PTPRT: variants seen among roughly 807,000 people sequenced by gnomAD.
PTPRT encodes protein tyrosine phosphatase receptor type T, also known as receptor-type tyrosine-protein phosphatase T.
A neutral mutation model predicts 176.8 loss-of-function variants in PTPRT; 56 were observed. That is an observed-to-expected ratio of 0.32 (90% confidence interval 0.26 to 0.40). The LOEUF (loss-of-function observed/expected upper bound fraction) is 0.40, where lower values mean the gene tolerates loss of function less well. Ranked by LOEUF, PTPRT falls within the 10% of genes least tolerant of loss-of-function variation. The pLI is 1.00. For missense variants in PTPRT, 1,540 were observed against 1,908.2 expected, an observed-to-expected ratio of 0.81 and a Z score of 3.60; for synonymous variants, 783 against 739.0, an observed-to-expected ratio of 1.06 and a Z score of -0.96.
intron 7 of PTPRT, among the ~76,000 whole-genome samples, chr20:42,643,085 T>C (rs35494007): frequency 0.11 from 16,257 of 152,250 alleles, 1,055 homozygotes; most frequent in Middle Eastern, 0.16. Flanking sequence ...TGAGACCATC[T>C]AGTTCCAGCT....
chr20:42,276,516 TA>T (rs2057034918), intron 13 of PTPRT, among the ~76,000 whole-genome samples: 2 of 24,810 alleles, frequency 8.1e-5, no homozygotes, highest in African/African-American at 3.6e-4. Context: ...TATATATATA[TA>T]TATATATATA....
chr20:42,689,978 A>G (rs1269402391), intron 6 of PTPRT, among the ~76,000 whole-genome samples: 1 of 152,196 alleles, frequency 6.6e-6, no homozygotes, highest in Non-Finnish European at 1.5e-5. Context: ...GCAGCAATCA[A>G]AAACTAATAC....
intron 1 of PTPRT, among the ~76,000 whole-genome samples, chr20:43,035,146 C>G (rs765752272): frequency 6.6e-6 from 1 of 152,144 alleles, no homozygotes; most frequent in African/African-American, 2.4e-5. Context: ...GAACAGGCCC[C>G]TCGTAGTGCC....
At chr20:42,274,389 TTATGTTAGCAAAGCCTAGCCTAGCC>T (rs2056990619) in intron 13 of PTPRT, among the ~76,000 whole-genome samples, 1 of 152,290 alleles carries the variant, frequency 6.6e-6, no homozygotes, top group Admixed American at 6.5e-5. Flanking sequence ...TATTAGCTTG[TTATGTTAGCAAAGCCTAGCCTAGCC>T]TAACTAATCC....
chr20:42,780,409 C>G (rs75351972), intron 3 of PTPRT, 110 bp from the exon 4 acceptor site: 4 of 767,028 alleles, frequency 5.2e-6, no homozygotes, highest in Non-Finnish European at 8.9e-6. Flanking sequence ...TCAGAAGCAA[C>G]CCAAGAAACC....
chr20:42,494,904 A>C (rs2145391677), intron 7 of PTPRT, among the ~76,000 whole-genome samples: 1 of 152,300 alleles, frequency 6.6e-6, no homozygotes, highest in South Asian at 2.1e-4. Context: ...TCTAAAAAGA[A>C]AACATTAATT....
In PTPRT at chr20:42,549,708, C is replaced by T. The variant is rs145516345; in HGVS notation, c.1154-77146G>A. On this transcript the variant is annotated intron_variant, in intron 7 of 30. Coordinates refer to ENST00000373187, the MANE Select transcript of PTPRT (RefSeq NM_007050.6). ...CACATGCCCCTCAGTGGCAAACCCT[C>T]GCCACAGCTGGTGAATGGGAGGGGA... 7.4e-3 allele frequency among the ~76,000 whole-genome samples: 1,132 copies of T among 152,234 alleles called. 17 individuals are homozygous for T. The highest frequency in any genetic ancestry group is 0.026 in the African/African-American group (1,080 of 41,540).
intron 2 of PTPRT, among the ~76,000 whole-genome samples, chr20:42,866,314 G>C (rs1263825636): frequency 6.6e-6 from 1 of 152,164 alleles, no homozygotes; most frequent in Non-Finnish European, 1.5e-5. Flanking sequence ...TACAGATGAG[G>C]AAATGGAACC....
intron 9 of PTPRT, among the ~76,000 whole-genome samples, chr20:42,352,609 A>C (rs1161874717): frequency 6.6e-6 from 1 of 152,202 alleles, no homozygotes; most frequent in South Asian, 2.1e-4. Context: ...GGGATGGTTA[A>C]TGGGTAGAAA....
At chr20:42,731,327 G>A (rs182856925) in intron 6 of PTPRT, among the ~76,000 whole-genome samples, 11 of 152,290 alleles carry the variant, frequency 7.2e-5, no homozygotes, top group African/African-American at 2.2e-4. Context: ...GGATCCACTT[G>A]TCATTACAGC....
intron 9 of PTPRT, among the ~76,000 whole-genome samples, chr20:42,439,409 T>C (rs900980785): frequency 6.6e-6 from 1 of 152,192 alleles, no homozygotes; most frequent in African/African-American, 2.4e-5. Context: ...AAAGGGATAT[T>C]GACAGAACGA....
chr20:42,912,083 C>T (rs1443994307), intron 1 of PTPRT, among the ~76,000 whole-genome samples: 1 of 150,422 alleles, frequency 6.6e-6, no homozygotes, highest in Non-Finnish European at 1.5e-5. Flanking sequence ...CTAAAAGCTG[C>T]ACTTCTAAGG....
chr20:42,585,821 G>C (rs1013797243), intron 7 of PTPRT, among the ~76,000 whole-genome samples: 1 of 152,040 alleles, frequency 6.6e-6, no homozygotes, highest in Non-Finnish European at 1.5e-5. Context: ...AGAAGTGAGG[G>C]TCTAATTATT....
chr20:42,937,940 AC>A, intron 1 of PTPRT, among the ~76,000 whole-genome samples: 1 of 152,348 alleles, frequency 6.6e-6, no homozygotes, highest in East Asian at 1.9e-4. Flanking sequence ...CTTCAAGATT[AC>A]CTTTAAGTAA....
chr20:42,835,131 A>G (rs2078159125), intron 2 of PTPRT, among the ~76,000 whole-genome samples: 1 of 152,212 alleles, frequency 6.6e-6, no homozygotes, highest in South Asian at 2.1e-4. Flanking sequence ...TCTAAAGAGA[A>G]CACAGGCGAT....
intron 7 of PTPRT, among the ~76,000 whole-genome samples, chr20:42,499,648 GACT>G (rs2071718072): frequency 6.6e-6 from 1 of 152,122 alleles, no homozygotes; most frequent in Non-Finnish European, 1.5e-5. Context: ...TGATAAAATA[GACT>G]ACTATCTACA....
In PTPRT at chr20:42,902,745, A is replaced by G. The variant is rs560254486; in HGVS notation, c.89-16813T>C. The stretch of plus-strand genomic sequence containing the variant: ...TCACTTCTGCAAGGCTGCACAGCTT[A>G]TAAAGGACAGAGTCGGGATTAGAAT... On this transcript the variant is annotated intron_variant, in intron 1 of 30. Transcript: ENST00000373187. Among the ~76,000 whole-genome samples the G allele has an allele frequency of 2.6e-5, 4 of 152,320 alleles. No individual in the cohort carries two copies. In the East Asian group the frequency reaches 7.7e-4, roughly 29 times the overall value.
intron 1 of PTPRT, among the ~76,000 whole-genome samples, chr20:43,152,504 C>T (rs533247064): frequency 3.3e-5 from 5 of 152,286 alleles, no homozygotes; most frequent in East Asian, 1.9e-4. Context: ...TGCTAGACTA[C>T]GTGAGGTCTC....
intron 13 of PTPRT, among the ~76,000 whole-genome samples, chr20:42,280,670 G>C (rs2057124615): frequency 6.6e-6 from 1 of 152,174 alleles, no homozygotes; most frequent in Non-Finnish European, 1.5e-5. Flanking sequence ...AGGAGAGGTA[G>C]AGAACTCTTC....
Sources: gnomAD v4.1 joint callset for allele counts (sites outside exome capture counted in the v4.1 genomes callset) on GRCh38, gnomAD v4.1.1 for gene constraint, MANE v1.5 for transcripts, NCBI Gene and HGNC (gene_info 2026-07-23, HGNC 2026-07-21) for gene names.